Variants in PCDHA13 observed in about 807,000 individuals in gnomAD.
PCDHA13 encodes the protein protocadherin alpha-13.
In PCDHA13, 54 loss-of-function variants were observed where a neutral mutation model predicts 64.8. That is an observed-to-expected ratio of 0.83 (90% CI 0.67 to 1.04). The LOEUF is 1.04. Among genes scored for constraint, PCDHA13 ranks in the 50% least tolerant of loss-of-function variants. The pLI is 0.00. For missense variants in PCDHA13, 1,248 were observed against 1,254.3 expected (o/e 0.99, Z 0.08); for synonymous variants, 587 against 564.4 (o/e 1.04, Z -0.57).
chr5:141,002,271 T>C (rs942626808), intron 3 of PCDHA13, among the ~76,000 whole-genome samples: 3 of 152,220 alleles, frequency 2.0e-5, no homozygotes, highest in African/African-American at 7.2e-5. Context: ...CCAGAGCTGG[T>C]AACAAAGGGA....
intron 1 of PCDHA13, among the ~76,000 whole-genome samples, chr5:140,895,371 T>C (rs1554186488): frequency 1.3e-5 from 2 of 152,304 alleles, no homozygotes; most frequent in East Asian, 3.9e-4. Context: ...TTGGCACTTT[T>C]TGGAGTTCTT....
In PCDHA13 at chr5:140,883,226, G is replaced by T. The variant is rs572696678; in HGVS notation, c.958G>T (p.Val320Leu). The change falls in exon 1 of 4, where the codon GTG (valine) becomes TTG (leucine). Residue 320 changes from valine to leucine, a missense_variant. Coordinates refer to ENST00000289272, the MANE Select transcript of PCDHA13 (RefSeq NM_018904.3). ...AGAAAAGAAATTATATGAAATATCC[G>T]TGGAGGCAGTTGACAAAGGAAATAT... ...FEEKKLYEIS[V>L]EAVDKGNIPM... is the part of the protein sequence containing the mutation. The T allele has an allele frequency of 5.1e-5, 82 of 1,613,938 alleles. No individual in the cohort carries two copies. Among genetic ancestry groups the T allele is most frequent in the South Asian group, 4.2e-4 (38 of 91,076 alleles).
intron 1 of PCDHA13, 94 bp downstream of exon 1, chr5:140,884,756 T>A: frequency 7.0e-7 from 1 of 1,427,108 alleles, no homozygotes; most frequent in Admixed American, 3.0e-5. Flanking sequence ...TTTCAAATTA[T>A]TCTTTACTTT....
intron 1 of PCDHA13, among the ~76,000 whole-genome samples, chr5:140,900,759 A>G (rs1419646582): frequency 6.6e-6 from 1 of 152,044 alleles, no homozygotes; most frequent in Non-Finnish European, 1.5e-5. Context: ...TGGTAGCTCT[A>G]TTTTTGGCTT....
intron 1 of PCDHA13, chr5:140,928,265 A>T (rs1208273188): frequency 4.3e-6 from 7 of 1,614,188 alleles, no homozygotes; most frequent in Non-Finnish European, 4.2e-6. Flanking sequence ...GCTGAAAACA[A>T]TGGCCCTGGG....
intron 1 of PCDHA13, chr5:140,928,939 T>G (rs367874769): frequency 6.2e-7 from 1 of 1,614,012 alleles, no homozygotes; most frequent in African/African-American, 1.3e-5. Context: ...CCAGAACTTG[T>G]ATTTAGTAAT....
intron 3 of PCDHA13, among the ~76,000 whole-genome samples, chr5:141,005,701 CAAAAAAAAAAAAAAAAA>C (rs59860837): frequency 2.6e-4 from 2 of 7,786 alleles, no homozygotes; most frequent in East Asian, 6.3e-3. Flanking sequence ...AACTCCGTCT[CAAAAAAAAAAAAAAAAA>C]AAAAAAAAAA....
At chr5:140,930,306 CAT>C (rs1554207728) in intron 1 of PCDHA13, 1 of 152,052 alleles carries the variant, frequency 6.6e-6, no homozygotes, top group East Asian at 1.9e-4. Context: ...AAGTAAATAT[CAT>C]ATTTGAGAGT....
chr5:140,919,795 A>G (rs1554199259), intron 1 of PCDHA13, among the ~76,000 whole-genome samples: 1 of 152,070 alleles, frequency 6.6e-6, no homozygotes, highest in East Asian at 1.9e-4. Context: ...CTTGTGGTGG[A>G]TTGAATTGTG....
intron 1 of PCDHA13, among the ~76,000 whole-genome samples, chr5:140,933,667 C>A (rs2089323484): frequency 6.6e-6 from 1 of 151,936 alleles, no homozygotes. Flanking sequence ...CTCTCTCTGT[C>A]TCTCTCACAT....
chr5:141,011,237 A>G lies in PCDHA13; in HGVS notation c.*1300A>G, dbSNP rs562746586. Reference sequence around the variant, plus strand: ...GATTTTTCAATCTACTAATTCTGTGACTTGTCTTGGTGTGCTAGCCTACAC... The same window carrying G: ...GATTTTTCAATCTACTAATTCTGTGGCTTGTCTTGGTGTGCTAGCCTACAC... On this transcript the variant is annotated 3_prime_UTR_variant, in exon 4 of 4. Transcript: ENST00000289272. The G allele has an allele frequency of 6.5e-6, 1 of 153,754 alleles. No homozygotes were observed. Among genetic ancestry groups the G allele is most frequent in the South Asian group, 2.1e-4 (1 of 4,812 alleles). The allele number at this position is 153,754 out of a possible 1,614,324, so 9.5% of individuals were successfully genotyped here.
chr5:140,967,087 G>T (rs782556858), intron 1 of PCDHA13: 2 of 1,613,138 alleles, frequency 1.2e-6, no homozygotes, highest in East Asian at 4.5e-5. Flanking sequence ...GCATTGATCG[G>T]GAGGCGCTGT....
intron 1 of PCDHA13, among the ~76,000 whole-genome samples, chr5:140,891,033 G>C (rs2062910794): frequency 6.6e-6 from 1 of 151,596 alleles, no homozygotes; most frequent in South Asian, 2.1e-4. Context: ...TATAATCTTA[G>C]GTGTGACCCC....
chr5:140,922,131 TTATCC>T (rs2080656521), intron 1 of PCDHA13, among the ~76,000 whole-genome samples: 1 of 152,176 alleles, frequency 6.6e-6, no homozygotes, highest in South Asian at 2.1e-4. Context: ...TAAATGTCTC[TTATCC>T]TCCATGAAAC....
chr5:140,975,848 T>C (rs1345383470), intron 1 of PCDHA13, among the ~76,000 whole-genome samples: 1 of 152,234 alleles, frequency 6.6e-6, no homozygotes, highest in Non-Finnish European at 1.5e-5. Flanking sequence ...TCAGTAATAC[T>C]ACATCACCCA....
rs571694728 is a variant in PCDHA13, at chr5:140,949,343, CTG to C, written c.2395-29602_2395-29601del. Among the ~76,000 whole-genome samples the C allele has an allele frequency of 8.0e-4, 121 of 151,818 alleles. 1 individual carries two copies. Among genetic ancestry groups the C allele is most frequent in the Admixed American group, 3.5e-3 (54 of 15,258 alleles). On this transcript the variant is annotated intron_variant, in intron 1 of 3. Transcript: ENST00000289272. ...TATAAATTATTGTTATCCAGATTTT[CTG>C]TGTCTTTATTTTTTTGTCTAGTTGT...
Position 141,012,307 on chromosome 5 carries a change from T to G in PCDHA13, c.*2370T>G, listed in dbSNP as rs369179929. ...CATTTTGAATTGGTGCTATTGGTAT[T>G]TCCTCTGTTATTGCTAATAAATGAA... On this transcript the variant is annotated 3_prime_UTR_variant, in exon 4 of 4. Transcript: ENST00000289272. 1 of 153,794 alleles carries G rather than the reference T, an allele frequency of 6.5e-6. No homozygotes were observed. The highest frequency in any genetic ancestry group is 1.5e-5 in the Non-Finnish European group (1 of 68,040). 9.5% of individuals were successfully genotyped at this position (153,794 alleles called of 1,614,324 possible).
Position 140,882,644 on chromosome 5 carries a change from A to T in PCDHA13, c.376A>T (p.Ile126Phe). The T allele has an allele frequency of 6.2e-7, 1 of 1,614,256 alleles. No individual in the cohort carries two copies. The change falls in exon 1 of 4, where the codon ATT (isoleucine) becomes TTT (phenylalanine). Residue 126 changes from isoleucine (I) to phenylalanine (F), a missense_variant. By Grantham distance (21) the Ile-to-Phe change is conservative. Coordinates refer to ENST00000289272, the MANE Select transcript of PCDHA13 (RefSeq NM_018904.3). ...CCATGTGGAGGTGAAGGTGAGGGAC[A>T]TTAACGACAACCCGCCCATATTCCC... ...VFHVEVKVRD[I>F]NDNPPIFPES... is the part of the protein sequence containing the mutation.
intron 1 of PCDHA13, among the ~76,000 whole-genome samples, chr5:140,905,962 G>A (rs2072248192): frequency 6.6e-6 from 1 of 152,198 alleles, no homozygotes; most frequent in Non-Finnish European, 1.5e-5. Flanking sequence ...TTCAAGGGGA[G>A]GAAGATCCAG....
Sources: gnomAD v4.1 joint callset for allele counts (sites outside exome capture counted in the v4.1 genomes callset) on GRCh38, gnomAD v4.1.1 for gene constraint, MANE v1.5 for transcripts, NCBI Gene and HGNC (gene_info 2026-07-23, HGNC 2026-07-21) for gene names.